Variants in HELQ observed in about 807,000 individuals in gnomAD.
HELQ encodes the protein helicase POLQ-like.
A neutral mutation model predicts 111.6 loss-of-function variants in HELQ; 77 were observed. The observed-to-expected ratio is 0.69, with a 90% CI of 0.57 to 0.83. The LOEUF (loss-of-function observed/expected upper bound fraction) is 0.83, where lower values mean the gene tolerates loss of function less well. Among genes scored for constraint, HELQ ranks in the 40% least tolerant of loss-of-function variants. HELQ has a pLI of 0.00. For missense variants in HELQ, 1,200 were observed against 1,288.5 expected (o/e 0.93, Z 1.05); for synonymous variants, 438 against 454.7 (o/e 0.96, Z 0.47).
intron 2 of HELQ, 38 bp downstream of exon 2, chr4:83,453,193 T>C: frequency 7.7e-7 from 1 of 1,302,976 alleles, no homozygotes; most frequent in Non-Finnish European, 1.1e-6. Context: ...ATGGTAATGA[T>C]AGGAAAAAAA....
intron 8 of HELQ, among the ~76,000 whole-genome samples, chr4:83,437,502 C>A (rs1720523164): frequency 6.7e-6 from 1 of 149,082 alleles, no homozygotes; most frequent in East Asian, 2.0e-4. Flanking sequence ...CAGTTCCAGG[C>A]TATGGGGGAG....
intron 17 of HELQ, among the ~76,000 whole-genome samples, chr4:83,409,736 G>A (rs1738988659): frequency 1.3e-5 from 2 of 151,900 alleles, no homozygotes; most frequent in Admixed American, 1.3e-4. Context: ...TAAATAAGAA[G>A]TTAAAAAACT....
At position 83,448,959 on chromosome 4, in the gene HELQ, A is replaced by C; in HGVS notation, c.1015T>G (p.Trp339Gly). The change falls in exon 3 of 18, where the codon TGG becomes GGG. Residue 339 changes from tryptophan to glycine, a missense_variant and splice_region_variant. Physicochemically the swap from Trp to Gly is radical, Grantham distance 184 (BLOSUM62 -2). Coordinates refer to ENST00000295488, the MANE Select transcript of HELQ (RefSeq NM_133636.5). The part of the protein sequence containing the change: ...QFKGIEKLYE[W>G]QHTCLTLNSV... ...TTCAATGTTAAACAAGTATGTTGCC[A>C]TTCTGTGGAATTAAAAAAAAAAAGG... The C allele has an allele frequency of 6.5e-7, 1 of 1,526,784 alleles. No homozygotes were observed. The highest frequency in any genetic ancestry group is 8.8e-7 in the Non-Finnish European group (1 of 1,139,650). 94.6% of individuals were successfully genotyped at this position (1,526,784 alleles called of 1,614,324 possible).
Position 83,418,147 on chromosome 4 carries a change from A to C in HELQ, c.3009T>G (p.Thr1003=), listed in dbSNP as rs775104524. Reference sequence around the variant, plus strand: ...GGATTAATTCTGCCTTTACACAGTAAGTCAGCTTCTTGGTAAGTTCTACCA... The same window carrying C: ...GGATTAATTCTGCCTTTACACAGTACGTCAGCTTCTTGGTAAGTTCTACCA... ...ALLVELTKKL[T]YCVKAELIPL... is the part of the protein sequence containing the mutation. Residue 1003 remains threonine (T), a synonymous_variant, in exon 16 of 18, where the codon ACT becomes ACG. Coordinates refer to ENST00000295488, the MANE Select transcript of HELQ (RefSeq NM_133636.5). 1.9e-6 allele frequency: 3 copies of C among 1,611,402 alleles called. No individual in the cohort carries two copies. Among genetic ancestry groups the C allele is most frequent in the Non-Finnish European group, 2.5e-6 (3 of 1,178,554 alleles).
chr4:83,423,987 T>C lies in HELQ; in HGVS notation c.2775+2007A>G, dbSNP rs913627119. 3.3e-5 allele frequency among the ~76,000 whole-genome samples: 5 copies of C among 152,266 alleles called. No homozygotes were observed. In the South Asian group the frequency reaches 8.3e-4, roughly 25 times the overall value. ...AAAGGTCAGGTGGGGGGCCTCTTTT[T>C]CAATGTGGAGAAATCAATTAGATTT... is the stretch of plus-strand genomic sequence containing the variant. On this transcript the variant is annotated intron_variant, in intron 14 of 17. Coordinates refer to ENST00000295488, the MANE Select transcript of HELQ (RefSeq NM_133636.5).
intron 13 of HELQ, among the ~76,000 whole-genome samples, chr4:83,426,754 C>T (rs958690039): frequency 2.0e-5 from 3 of 152,008 alleles, no homozygotes; most frequent in Admixed American, 6.6e-5. Context: ...TTAGAAGAGA[C>T]GGGGTTTCAC....
intron 5 of HELQ, among the ~76,000 whole-genome samples, chr4:83,443,923 T>C (rs1720907588): frequency 6.6e-6 from 1 of 152,078 alleles, no homozygotes; most frequent in Non-Finnish European, 1.5e-5. Flanking sequence ...TGCACGCCTG[T>C]AGTCCCAGCT....
intron 17 of HELQ, among the ~76,000 whole-genome samples, chr4:83,414,061 T>C (rs1242632765): frequency 6.6e-6 from 1 of 152,250 alleles, no homozygotes; most frequent in Non-Finnish European, 1.5e-5. Flanking sequence ...CTCTGTTATG[T>C]AGCGTATGTA....
intron 11 of HELQ, among the ~76,000 whole-genome samples, chr4:83,430,590 C>G (rs1214655007): frequency 1.3e-5 from 2 of 152,054 alleles, no homozygotes; most frequent in African/African-American, 4.8e-5. Context: ...AAAATATAGT[C>G]AATCAATAAG....
intron 6 of HELQ, among the ~76,000 whole-genome samples, chr4:83,442,668 C>T (rs1021286709): frequency 6.6e-6 from 1 of 151,960 alleles, no homozygotes; most frequent in Non-Finnish European, 1.5e-5. Context: ...ACCTCGGCCT[C>T]CCAAAGTGCT....
intron 12 of HELQ, among the ~76,000 whole-genome samples, chr4:83,429,024 CT>C (rs1159277754): frequency 1.3e-5 from 2 of 151,678 alleles, no homozygotes; most frequent in African/African-American, 4.9e-5. Context: ...CTATATACTT[CT>C]GCAGTACTTA....
rs758336376 is a variant in HELQ at position 83,437,095 on chromosome 4, T to G, written c.1811A>C (p.Glu604Ala). The change falls in exon 9 of 18, where the codon GAA (glutamate) becomes GCA (alanine). Residue 604 changes from glutamate to alanine, a missense_variant and splice_region_variant. Glu to Ala is a moderately radical substitution (Grantham distance 107, BLOSUM62 -1). This residue lies in a region of HELQ where 585 missense variants were observed against 665.3 expected (regional missense o/e 0.88). Transcript: ENST00000295488. ...AEMICKFLSK[E>A]YLKHKEKEKC... is the part of the protein sequence containing the mutation. The stretch of plus-strand genomic sequence containing the variant: ...TTCTTTCTCCTTATGTTTCAGATAT[T>G]CCCTATGAAAAAGATCTGTTAGAAA... 5.6e-6 allele frequency: 9 copies of G among 1,612,474 alleles called. No individual in the cohort carries two copies. The highest frequency in any genetic ancestry group is 6.8e-6 in the Non-Finnish European group (8 of 1,179,352).
At chr4:83,429,895 T>C in intron 11 of HELQ, 149 bp from the exon 12 acceptor site, 2 of 533,974 alleles carry the variant, frequency 3.7e-6, no homozygotes, top group Non-Finnish European at 6.5e-6. Context: ...TATATAAATT[T>C]ATAATGGCAA....
At chr4:83,440,723 T>G (rs1720715037) in intron 7 of HELQ, among the ~76,000 whole-genome samples, 1 of 151,996 alleles carries the variant, frequency 6.6e-6, no homozygotes, top group Non-Finnish European at 1.5e-5. Flanking sequence ...ATTATTCTTT[T>G]GTTGTTGTTG....
chr4:83,411,509 TAGG>T (rs1291886133), intron 17 of HELQ, among the ~76,000 whole-genome samples: 1 of 151,384 alleles, frequency 6.6e-6, no homozygotes, highest in East Asian at 1.9e-4. Flanking sequence ...GAGGCTGAAG[TAGG>T]AGGATTGCTT....
Position 83,453,384 on chromosome 4 carries a change from T to G in HELQ, c.859A>C (p.Ser287Arg). 2.5e-6 allele frequency: 4 copies of G among 1,606,864 alleles called. No homozygotes were observed. Among genetic ancestry groups the G allele is most frequent in the Non-Finnish European group, 2.5e-6 (3 of 1,178,366 alleles). The change falls in exon 2 of 18, where the codon AGT becomes CGT. Residue 287 changes from serine to arginine, a missense_variant. This residue lies in a region of HELQ where 610 missense variants were observed against 607.1 expected (regional missense o/e 1.00). Coordinates refer to ENST00000295488, the MANE Select transcript of HELQ (RefSeq NM_133636.5). ...AGGAGAGTGTCTTTGAGCTGTTTAC[T>G]TCTAGAAAATATTGGTGTCTGGGCC... is the stretch of plus-strand genomic sequence containing the variant. ...AKAQTPIFSR[S>R]KQLKDTLLSE...
At chr4:83,455,344 C>A in intron 1 of HELQ, 53 bp downstream of exon 1, 1 of 1,586,054 alleles carries the variant, frequency 6.3e-7, no homozygotes, top group South Asian at 1.1e-5. Flanking sequence ...CAACTCTTTG[C>A]ATCTGGGAAG....
intron 4 of HELQ, 97 bp from the exon 5 acceptor site, chr4:83,446,183 T>G (rs1688265663): frequency 3.6e-6 from 3 of 828,938 alleles, no homozygotes; most frequent in Non-Finnish European, 6.1e-6. Context: ...TTGTAAAGAG[T>G]TGCTTATAAC....
intron 16 of HELQ, among the ~76,000 whole-genome samples, chr4:83,417,394 G>C (rs1386326163): frequency 1.3e-5 from 2 of 151,900 alleles, no homozygotes; most frequent in Non-Finnish European, 2.9e-5. Flanking sequence ...GTAAAGATGG[G>C]GTTTCACCAT....
Sources: allele counts gnomAD v4.1 joint callset (sites outside exome capture counted in the v4.1 genomes callset), GRCh38; gene constraint gnomAD v4.1.1; regional missense constraint gnomAD v4.1.1; transcripts MANE v1.5; gene names NCBI Gene and HGNC (gene_info 2026-07-23, HGNC 2026-07-21).